SMIM36: variants seen among roughly 807,000 people sequenced by gnomAD.
SMIM36 encodes the protein small integral membrane protein 36.
the SMIM36 span, among the ~76,000 whole-genome samples, chr17:55,526,343 G>A: frequency 6.6e-6 from 1 of 151,930 alleles, no homozygotes; most frequent in East Asian, 1.9e-4. Context: ...ATTTTCAGTA[G>A]AGATGGTGTT....
At chr17:55,522,214 G>A in the SMIM36 span, among the ~76,000 whole-genome samples, 1 of 152,176 alleles carries the variant, frequency 6.6e-6, no homozygotes, top group African/African-American at 2.4e-5. Context: ...CATAGTACTT[G>A]CATAGTACCT....
At chr17:55,460,618 G>A (rs1051813725) in intron 4 of SMIM36, among the ~76,000 whole-genome samples, 3 of 152,202 alleles carry the variant, frequency 2.0e-5, no homozygotes, top group African/African-American at 7.2e-5. Flanking sequence ...AGCACTTTGG[G>A]AGGCCGAGGC....
intron 4 of SMIM36, among the ~76,000 whole-genome samples, chr17:55,452,617 G>A (rs1473263660): frequency 2.0e-5 from 3 of 152,212 alleles, no homozygotes; most frequent in African/African-American, 4.8e-5. Flanking sequence ...CTGCCTCCAC[G>A]TGCTCTGCTC....
intron 1 of SMIM36, among the ~76,000 whole-genome samples, chr17:55,508,997 G>C (rs1486373198): frequency 1.3e-5 from 2 of 149,592 alleles, no homozygotes; most frequent in South Asian, 2.1e-4. Flanking sequence ...TCCTCTGAAG[G>C]GTTTTCAATA....
chr17:55,480,472 T>C (rs925700185), intron 1 of SMIM36, among the ~76,000 whole-genome samples: 2 of 152,172 alleles, frequency 1.3e-5, no homozygotes, highest in African/African-American at 2.4e-5. Context: ...CTCTAGATAA[T>C]GAGATCCAAG....
intron 1 of SMIM36, among the ~76,000 whole-genome samples, chr17:55,489,754 T>C (rs1909669139): frequency 6.6e-6 from 1 of 152,254 alleles, no homozygotes; most frequent in Non-Finnish European, 1.5e-5. Context: ...AACCAGGCTG[T>C]AAATTTTGCA....
Position 55,494,692 on chromosome 17 carries a change from A to T in SMIM36, c.*175-15112T>A, listed in dbSNP as rs147309564. On this transcript the variant is annotated intron_variant, in intron 1 of 4. Transcript: ENST00000636752. The stretch of plus-strand genomic sequence containing the variant: ...GTATATTTTGTTTGAACACACACAC[A>T]CATACACACTCACACGAGTGCTAAA... 1.6e-3 allele frequency among the ~76,000 whole-genome samples: 236 copies of T among 152,214 alleles called. 1 individual carries two copies. The highest frequency in any genetic ancestry group is 5.4e-3 in the African/African-American group (225 of 41,486).
In SMIM36 at chr17:55,494,337, C is replaced by T. The variant is rs188082771; in HGVS notation, c.*175-14757G>A. Among the ~76,000 whole-genome samples the T allele has an allele frequency of 4.6e-5, 7 of 152,242 alleles. No individual in the cohort carries two copies. In the East Asian group the frequency reaches 1.2e-3, roughly 25 times the overall value. On this transcript the variant is annotated intron_variant, in intron 1 of 4. Transcript: ENST00000636752. Reference sequence around the variant, plus strand: ...TTTCCTTTGTGTATTAAAAAACTCACCAAGGAACTCTGCAAAGCATCCTTA... The same window carrying T: ...TTTCCTTTGTGTATTAAAAAACTCATCAAGGAACTCTGCAAAGCATCCTTA...
chr17:55,526,753 T>C, the SMIM36 span, among the ~76,000 whole-genome samples: 1 of 152,180 alleles, frequency 6.6e-6, no homozygotes, highest in Non-Finnish European at 1.5e-5. Flanking sequence ...AATAAGCTAA[T>C]TTTTTCCCAC....
In SMIM36 at chr17:55,505,569, C is replaced by T. The variant is rs1250629760; in HGVS notation, c.*174+5310G>A. ...CTCAATCAATTAGGTATTGATGGGA[C>T]GTATCTCAAAATAATAAGAGCTATC... On this transcript the variant is annotated intron_variant, in intron 1 of 4. Transcript: ENST00000636752. Among the ~76,000 whole-genome samples, 17 of 69,308 alleles carry T rather than the reference C, an allele frequency of 2.5e-4. 6 individuals are homozygous for T. In the East Asian group the frequency reaches 8.5e-3, roughly 35 times the overall value. 45.5% of individuals were successfully genotyped at this position (69,308 alleles called of 152,430 possible).
exon 1 of SMIM36, chr17:55,511,120 C>G (rs1910173542): frequency 2.5e-6 from 1 of 398,574 alleles, no homozygotes; most frequent in Non-Finnish European, 4.4e-6. Flanking sequence ...CCCCTTTGGC[C>G]AGTGGGGCCC....
At chr17:55,478,075 A>G (rs1029690355) in intron 3 of SMIM36, among the ~76,000 whole-genome samples, 31 of 152,034 alleles carry the variant, frequency 2.0e-4, no homozygotes, top group African/African-American at 6.3e-4. Context: ...ATGCACCTGT[A>G]GGGAGGCTGA....
At chr17:55,482,440 GC>G (rs1280979923) in intron 1 of SMIM36, among the ~76,000 whole-genome samples, 1 of 152,052 alleles carries the variant, frequency 6.6e-6, no homozygotes, top group African/African-American at 2.4e-5. Flanking sequence ...CCTTCTCCAG[GC>G]TTCCACAGGC....
intron 3 of SMIM36, among the ~76,000 whole-genome samples, chr17:55,470,002 C>G (rs112483418): frequency 1.3e-5 from 2 of 151,978 alleles, no homozygotes; most frequent in Admixed American, 1.3e-4. Context: ...CAAAAAAAAA[C>G]CACAACTTCA....
chr17:55,456,302 C>T (rs972360687), intron 4 of SMIM36, among the ~76,000 whole-genome samples: 6 of 152,060 alleles, frequency 3.9e-5, no homozygotes, highest in Admixed American at 1.3e-4. Context: ...ATGAGGGCTA[C>T]GGCCCATTCT....
At chr17:55,501,043 ATT>A (rs1909927999) in intron 1 of SMIM36, among the ~76,000 whole-genome samples, 1 of 18,132 alleles carries the variant, frequency 5.5e-5, no homozygotes, top group Non-Finnish European at 7.4e-5. Flanking sequence ...ATTATTATAT[ATT>A]ATAATATATA....
upstream of SMIM36, among the ~76,000 whole-genome samples, chr17:55,514,472 T>G (rs1015621182): frequency 6.6e-6 from 1 of 152,206 alleles, no homozygotes; most frequent in Non-Finnish European, 1.5e-5. Context: ...AAAAAGGAAT[T>G]ATCAACCCAA....
chr17:55,499,171 C>T (rs1400329789), intron 1 of SMIM36, among the ~76,000 whole-genome samples: 10 of 152,084 alleles, frequency 6.6e-5, no homozygotes, highest in Admixed American at 6.6e-4. Context: ...AGCCAAATTA[C>T]AATAATTTAT....
intron 4 of SMIM36, among the ~76,000 whole-genome samples, chr17:55,458,602 C>T (rs1184448122): frequency 2.8e-5 from 4 of 140,444 alleles, no homozygotes; most frequent in Non-Finnish European, 6.2e-5. Flanking sequence ...CACATCCTAG[C>T]GGGCAGCCAC....
Sources: gnomAD v4.1 joint callset for allele counts (sites outside exome capture counted in the v4.1 genomes callset) on GRCh38, gnomAD v4.1.1 for gene constraint, MANE v1.5 for transcripts, NCBI Gene and HGNC (gene_info 2026-07-23, HGNC 2026-07-21) for gene names.